Variants in POF1B observed in about 807,000 individuals in gnomAD.
The protein encoded by POF1B is POF1B actin binding protein, also known as protein POF1B.
Under a neutral mutation model 55.3 loss-of-function variants are expected in POF1B, and 53 were observed. That is an observed-to-expected ratio of 0.96 (90% CI 0.77 to 1.20). The LOEUF (loss-of-function observed/expected upper bound fraction) is 1.20, where lower values mean the gene tolerates loss of function less well. Among genes scored for constraint, POF1B ranks in the 50% most tolerant of loss-of-function variants. The pLI, the probability that POF1B is intolerant of heterozygous loss-of-function variation, is 0.00. For missense variants in POF1B, 478 were observed against 420.5 expected, an observed-to-expected ratio of 1.14 and a Z score of -1.20; for synonymous variants, 188 against 148.3, an observed-to-expected ratio of 1.27 and a Z score of -1.95.
chrX:85,297,494 T>C (rs1932333335), intron 15 of POF1B, among the ~76,000 whole-genome samples: 1 of 112,354 alleles, frequency 8.9e-6, no homozygotes, highest in Non-Finnish European at 1.9e-5. Flanking sequence ...GCCAAGGCTC[T>C]GTATGGGATC....
chrX:85,301,778 C>A (rs1049077915), intron 15 of POF1B, among the ~76,000 whole-genome samples: 4 of 111,504 alleles, frequency 3.6e-5, no homozygotes, highest in Non-Finnish European at 5.7e-5. Flanking sequence ...AAACAAATAG[C>A]AAAATAGCTA....
chrX:85,376,507 C>G lies in POF1B; in HGVS notation c.282+2666G>C, dbSNP rs191660230. Among the ~76,000 whole-genome samples, 246 of 111,585 alleles carry G rather than the reference C, an allele frequency of 2.2e-3. 4 individuals are homozygous for G. The highest frequency in any genetic ancestry group is 0.018 in the Admixed American group (187 of 10,443). ...GCAGATAAACCCAGTAATTTTAATT[C>G]TACCATTAATTTAGAAAATTTCACC... On this transcript the variant is annotated intron_variant, in intron 2 of 16. Transcript: ENST00000262753.
chrX:85,367,563 T>C (rs1933746266), intron 3 of POF1B, 129 bp downstream of exon 3: 1 of 455,016 alleles, frequency 2.2e-6, no homozygotes, highest in Non-Finnish European at 3.7e-6. Context: ...TCCTCTTTCA[T>C]ATTTTATGAT....
At chrX:85,365,509 G>A (rs1933703968) in intron 3 of POF1B, among the ~76,000 whole-genome samples, 1 of 111,742 alleles carries the variant, frequency 8.9e-6, no homozygotes, top group Non-Finnish European at 1.9e-5. Flanking sequence ...TTTCACAGGG[G>A]GCTATGTTAG....
At chrX:85,357,396 C>A (rs973556561) in intron 4 of POF1B, among the ~76,000 whole-genome samples, 4 of 110,664 alleles carry the variant, frequency 3.6e-5, no homozygotes, top group African/African-American at 1.3e-4. Flanking sequence ...CTTTAGCGAC[C>A]ATCCATCTCT....
chrX:85,372,907 C>A (rs1933856899), intron 2 of POF1B, among the ~76,000 whole-genome samples: 1 of 107,746 alleles, frequency 9.3e-6, no homozygotes, highest in Admixed American at 1.0e-4. Context: ...AGTGAAAATG[C>A]TTTTGAGTAG....
chrX:85,308,313 T>C, intron 9 of POF1B, 97 bp from the exon 10 acceptor site: 1 of 478,731 alleles, frequency 2.1e-6, no homozygotes, highest in Non-Finnish European at 3.3e-6. Context: ...AACTTATTAA[T>C]AATTTTACTT....
At chrX:85,336,661 A>G (rs1405398214) in intron 6 of POF1B, among the ~76,000 whole-genome samples, 1 of 111,333 alleles carries the variant, frequency 9.0e-6, no homozygotes, top group Non-Finnish European at 1.9e-5. Flanking sequence ...TTAAATTATT[A>G]GATTTTTTTC....
At chrX:85,320,609 A>G (rs1162544135) in intron 7 of POF1B, among the ~76,000 whole-genome samples, 5 of 111,559 alleles carry the variant, frequency 4.5e-5, no homozygotes, top group African/African-American at 6.5e-5. Flanking sequence ...AACTGAAGGA[A>G]ATAGAGACAC....
At chrX:85,327,903 A>T (rs919423020) in intron 7 of POF1B, among the ~76,000 whole-genome samples, 1 of 112,191 alleles carries the variant, frequency 8.9e-6, no homozygotes, top group African/African-American at 3.2e-5. Context: ...TCAGAATTTT[A>T]AAAAGTAACC....
At chrX:85,346,990 T>C (rs1933286063) in intron 5 of POF1B, among the ~76,000 whole-genome samples, 1 of 111,301 alleles carries the variant, frequency 9.0e-6, no homozygotes, top group Non-Finnish European at 1.9e-5. Flanking sequence ...TTGCACTGAC[T>C]TCAAGATATT....
intron 4 of POF1B, among the ~76,000 whole-genome samples, chrX:85,356,549 C>T (rs12013641): frequency 0.051 from 5,620 of 109,386 alleles, 310 homozygotes; most frequent in African/African-American, 0.16. Flanking sequence ...AAATGTCTTA[C>T]TGAAAAAAAA....
chrX:85,312,476 A>G (rs1311302698), intron 9 of POF1B, among the ~76,000 whole-genome samples: 1 of 111,027 alleles, frequency 9.0e-6, no homozygotes, highest in South Asian at 3.8e-4. Context: ...TCAAAGATCC[A>G]ATAGTTGTAA....
At chrX:85,371,307 T>A (rs1261731750) in intron 2 of POF1B, among the ~76,000 whole-genome samples, 1 of 112,096 alleles carries the variant, frequency 8.9e-6, no homozygotes, top group Non-Finnish European at 1.9e-5. Flanking sequence ...CAATTTCAAA[T>A]TTTTTAAACT....
chrX:85,356,323 G>A (rs183353345), intron 4 of POF1B, among the ~76,000 whole-genome samples: 43 of 107,673 alleles, frequency 4.0e-4, no homozygotes, highest in African/African-American at 1.3e-3. Flanking sequence ...GTGGAGGGAG[G>A]GGGGGATAGC....
intron 15 of POF1B, among the ~76,000 whole-genome samples, chrX:85,285,041 C>A (rs748687746): frequency 8.9e-6 from 1 of 111,977 alleles, no homozygotes; most frequent in Non-Finnish European, 1.9e-5. Context: ...ATGCAGCCAA[C>A]AGACACATGA....
chrX:85,299,254 C>T (rs751480739), intron 15 of POF1B, among the ~76,000 whole-genome samples: 2 of 86,452 alleles, frequency 2.3e-5, no homozygotes, highest in East Asian at 3.7e-4. Flanking sequence ...TGCAGTGGTG[C>T]GATCTTGGCT....
intron 2 of POF1B, among the ~76,000 whole-genome samples, chrX:85,378,422 T>G (rs771211339): frequency 8.9e-6 from 1 of 112,007 alleles, no homozygotes; most frequent in African/African-American, 3.2e-5. Flanking sequence ...GGTTACCTTG[T>G]ATTTATTGGG....
intron 2 of POF1B, among the ~76,000 whole-genome samples, chrX:85,373,418 G>C (rs1933868668): frequency 9.0e-6 from 1 of 111,542 alleles, no homozygotes; most frequent in Non-Finnish European, 1.9e-5. Context: ...AATAATGCAT[G>C]TTTTATCTAA....
Sources: allele counts gnomAD v4.1 joint callset (sites outside exome capture counted in the v4.1 genomes callset), GRCh38; gene constraint gnomAD v4.1.1; transcripts MANE v1.5; gene names NCBI Gene and HGNC (gene_info 2026-07-23, HGNC 2026-07-21).